The following EFL1 variants were observed in gnomAD, a reference collection of about 807,000 sequenced individuals.
EFL1 encodes the protein elongation factor like GTPase 1.
EFL1 carries 76 observed loss-of-function variants against 126.7 expected under a neutral mutation model. The observed-to-expected ratio is 0.60, with a 90% CI of 0.50 to 0.73. The LOEUF (loss-of-function observed/expected upper bound fraction) is 0.73, where lower values mean the gene tolerates loss of function less well. EFL1 is among the 30% of genes least tolerant of loss of function. The pLI is 0.00. For missense variants in EFL1, 1,128 were observed against 1,343.2 expected (o/e 0.84, Z 2.50); for synonymous variants, 410 against 448.4 (o/e 0.91, Z 1.08).
At chr15:82,193,571 T>C (rs1341900361) in intron 15 of EFL1, among the ~76,000 whole-genome samples, 1 of 152,306 alleles carries the variant, frequency 6.6e-6, no homozygotes, top group Non-Finnish European at 1.5e-5. Context: ...TGGAGGCACT[T>C]AGCTAGAGTA....
intron 8 of EFL1, among the ~76,000 whole-genome samples, chr15:82,230,374 C>A (rs2074808221): frequency 1.3e-5 from 2 of 152,020 alleles, no homozygotes; most frequent in South Asian, 4.2e-4. Flanking sequence ...TCCTACACCA[C>A]CTCTATCTAT....
At chr15:82,133,212 G>A (rs1489884580) in intron 19 of EFL1, among the ~76,000 whole-genome samples, 1 of 152,230 alleles carries the variant, frequency 6.6e-6, no homozygotes, top group Non-Finnish European at 1.5e-5. Flanking sequence ...AAGGGAGCCT[G>A]CATCTTTGAT....
intron 4 of EFL1, among the ~76,000 whole-genome samples, chr15:82,250,625 GAC>G (rs1343293943): frequency 6.6e-6 from 1 of 151,784 alleles, no homozygotes; most frequent in African/African-American, 2.4e-5. Flanking sequence ...AAAGCTATGA[GAC>G]AGAGAAAAGA....
intron 15 of EFL1, among the ~76,000 whole-genome samples, chr15:82,172,566 A>T (rs2074148181): frequency 6.6e-6 from 1 of 151,266 alleles, no homozygotes. Flanking sequence ...TGTTCATAAT[A>T]ATCTGAGTTT....
At chr15:82,163,755 A>C in intron 16 of EFL1, 98 bp downstream of exon 16, 1 of 1,406,498 alleles carries the variant, frequency 7.1e-7, no homozygotes, top group Non-Finnish European at 9.5e-7. Flanking sequence ...AATTCATTAT[A>C]TACTGCTGAA....
At chr15:82,189,970 G>A (rs931363132) in intron 15 of EFL1, among the ~76,000 whole-genome samples, 11 of 151,910 alleles carry the variant, frequency 7.2e-5, no homozygotes, top group East Asian at 3.9e-4. Context: ...ACAAACATTA[G>A]GCGGAGGGGG....
intron 15 of EFL1, among the ~76,000 whole-genome samples, chr15:82,184,625 C>A (rs2074284835): frequency 6.6e-6 from 1 of 152,184 alleles, no homozygotes; most frequent in Non-Finnish European, 1.5e-5. Context: ...AGATGAAGAG[C>A]AAACTGCCCA....
At chr15:82,148,204 G>A (rs939880117) in intron 18 of EFL1, among the ~76,000 whole-genome samples, 4 of 151,792 alleles carry the variant, frequency 2.6e-5, no homozygotes, top group African/African-American at 9.7e-5. Flanking sequence ...ATAGTGAAAT[G>A]CCGTCTCTAC....
At chr15:82,219,160 G>A (rs1391708930) in intron 14 of EFL1, among the ~76,000 whole-genome samples, 2 of 151,910 alleles carry the variant, frequency 1.3e-5, no homozygotes, top group African/African-American at 2.4e-5. Flanking sequence ...TCCCTGTTTC[G>A]CCCCTTGGCT....
At chr15:82,228,107 G>C (rs2074782972) in intron 10 of EFL1, 84 bp downstream of exon 10, 2 of 1,472,644 alleles carry the variant, frequency 1.4e-6, no homozygotes, top group Admixed American at 4.9e-5. Context: ...GTTATTTCCA[G>C]AGAATTTCTT....
intron 18 of EFL1, among the ~76,000 whole-genome samples, chr15:82,141,410 C>T (rs967180037): frequency 6.6e-6 from 1 of 152,132 alleles, no homozygotes; most frequent in African/African-American, 2.4e-5. Flanking sequence ...TGGCTCACGC[C>T]TATAATCCCA....
chr15:82,141,680 A>T (rs2073789505), intron 18 of EFL1, among the ~76,000 whole-genome samples: 1 of 143,474 alleles, frequency 7.0e-6, no homozygotes, highest in African/African-American at 2.5e-5. Context: ...TCTCCAAAAA[A>T]AAAAACCAAA....
At chr15:82,147,230 A>G (rs1340528427) in intron 18 of EFL1, among the ~76,000 whole-genome samples, 1 of 152,148 alleles carries the variant, frequency 6.6e-6, no homozygotes, top group African/African-American at 2.4e-5. Flanking sequence ...AGAGATGGCA[A>G]TCTGGGGAGA....
chr15:82,198,756 C>T (rs781563401), intron 15 of EFL1, among the ~76,000 whole-genome samples: 8 of 152,106 alleles, frequency 5.3e-5, no homozygotes, highest in Non-Finnish European at 1.2e-4. Context: ...CTGGAAATTC[C>T]CACAAAGTGG....
chr15:82,171,371 C>T (rs962666519), intron 15 of EFL1, among the ~76,000 whole-genome samples: 1 of 152,024 alleles, frequency 6.6e-6, no homozygotes, highest in Non-Finnish European at 1.5e-5. Context: ...TGTTAGACAA[C>T]AGATCAATGG....
At chr15:82,205,319 T>C (rs1005665141) in intron 15 of EFL1, among the ~76,000 whole-genome samples, 3 of 152,232 alleles carry the variant, frequency 2.0e-5, no homozygotes, top group African/African-American at 7.2e-5. Flanking sequence ...TGCTAGCAAA[T>C]GCTCGTTGTG....
intron 6 of EFL1, among the ~76,000 whole-genome samples, chr15:82,239,432 G>A (rs1352165170): frequency 1.3e-5 from 2 of 152,092 alleles, no homozygotes; most frequent in African/African-American, 2.4e-5. Flanking sequence ...CAGCTCGCCC[G>A]GCCTACCTCT....
intron 15 of EFL1, among the ~76,000 whole-genome samples, chr15:82,193,238 A>T (rs2074377534): frequency 6.6e-6 from 1 of 152,236 alleles, no homozygotes; most frequent in Admixed American, 6.5e-5. Context: ...TTAATGATCA[A>T]ATATACTTGA....
At chr15:82,256,374 T>C (rs1411756003) in intron 3 of EFL1, among the ~76,000 whole-genome samples, 2 of 152,262 alleles carry the variant, frequency 1.3e-5, no homozygotes, top group African/African-American at 2.4e-5. Context: ...AGTTTTCGTA[T>C]CCTGAAACCT....
Sources: gnomAD v4.1 joint callset for allele counts (sites outside exome capture counted in the v4.1 genomes callset) on GRCh38, gnomAD v4.1.1 for gene constraint, MANE v1.5 for transcripts, NCBI Gene and HGNC (gene_info 2026-07-23, HGNC 2026-07-21) for gene names.